CNTN5: variants seen among roughly 807,000 people sequenced by gnomAD.
CNTN5 encodes the protein contactin 5.
CNTN5 carries 77 observed loss-of-function variants against 129.1 expected under a neutral mutation model. The ratio of observed to expected loss-of-function variants is 0.60; its 90% CI spans 0.50 to 0.72. The LOEUF (loss-of-function observed/expected upper bound fraction) is 0.72. CNTN5 is among the 30% of genes least tolerant of loss of function. CNTN5 has a pLI of 0.00. For missense variants in CNTN5, 1,478 were observed against 1,328.8 expected (o/e 1.11, Z -1.75); for synonymous variants, 509 against 465.6 (o/e 1.09, Z -1.20).
chr11:99,154,730 C>A (rs1334846313), intron 1 of CNTN5, among the ~76,000 whole-genome samples: 1 of 152,052 alleles, frequency 6.6e-6, no homozygotes, highest in Non-Finnish European at 1.5e-5. Context: ...CAGGAAGCAC[C>A]CAGGTTGGAC....
At chr11:99,241,737 T>G (rs997047201) in intron 1 of CNTN5, among the ~76,000 whole-genome samples, 2 of 152,158 alleles carry the variant, frequency 1.3e-5, no homozygotes, top group Admixed American at 1.3e-4. Flanking sequence ...GCTTATTTGA[T>G]CATCTCCTTG....
intron 18 of CNTN5, among the ~76,000 whole-genome samples, chr11:100,288,875 GAA>G (rs1230686798): frequency 6.6e-6 from 1 of 151,524 alleles, no homozygotes; most frequent in Non-Finnish European, 1.5e-5. Flanking sequence ...GACTAATAAA[GAA>G]AAAAAGAGAG....
At chr11:99,275,905 T>C (rs975408385) in intron 1 of CNTN5, among the ~76,000 whole-genome samples, 5 of 151,530 alleles carry the variant, frequency 3.3e-5, no homozygotes, top group Non-Finnish European at 5.9e-5. Context: ...CAAAACCACA[T>C]TGAAAGAACA....
intron 1 of CNTN5, among the ~76,000 whole-genome samples, chr11:99,161,439 A>G (rs1022320745): frequency 2.0e-4 from 31 of 152,010 alleles, no homozygotes; most frequent in African/African-American, 7.2e-4. Context: ...CTGGCCAAGG[A>G]GATAAAAGCA....
At chr11:100,339,674 C>A (rs1952118200) in intron 21 of CNTN5, among the ~76,000 whole-genome samples, 1 of 152,286 alleles carries the variant, frequency 6.6e-6, no homozygotes, top group Non-Finnish European at 1.5e-5. Context: ...CCTAGAATTT[C>A]TCTGCCTCCT....
chr11:100,238,571 G>A (rs1433276578), intron 16 of CNTN5, among the ~76,000 whole-genome samples: 1 of 151,650 alleles, frequency 6.6e-6, no homozygotes. Flanking sequence ...GGAGGAGGAA[G>A]AAAGAGGAGA....
intron 4 of CNTN5, among the ~76,000 whole-genome samples, chr11:99,821,815 G>T (rs1387137182): frequency 1.6e-4 from 25 of 152,088 alleles, no homozygotes; most frequent in Non-Finnish European, 8.8e-5. Flanking sequence ...GCTGATCTGT[G>T]GATGATACTT....
At chr11:99,531,002 A>T (rs188808075) in intron 2 of CNTN5, among the ~76,000 whole-genome samples, 36 of 152,356 alleles carry the variant, frequency 2.4e-4, no homozygotes, top group Non-Finnish European at 4.4e-4. Flanking sequence ...TGGGGAAGCA[A>T]CTTTGAAACT....
At chr11:99,740,691 C>G (rs1183692239) in intron 3 of CNTN5, among the ~76,000 whole-genome samples, 1 of 152,154 alleles carries the variant, frequency 6.6e-6, no homozygotes, top group Non-Finnish European at 1.5e-5. Flanking sequence ...TCAACCTGCA[C>G]CATCAGAGGT....
At chr11:99,410,817 T>G (rs180910069) in intron 2 of CNTN5, among the ~76,000 whole-genome samples, 2 of 152,330 alleles carry the variant, frequency 1.3e-5, no homozygotes, top group Admixed American at 6.5e-5. Context: ...TAGCTGTTGC[T>G]CACTCTATTC....
chr11:99,095,361 A>G (rs1866427984), intron 1 of CNTN5, among the ~76,000 whole-genome samples: 1 of 151,934 alleles, frequency 6.6e-6, no homozygotes, highest in African/African-American at 2.4e-5. Context: ...GAGATTATGT[A>G]CTCTGTTATT....
At chr11:99,214,672 C>T (rs897117839) in intron 1 of CNTN5, among the ~76,000 whole-genome samples, 2 of 151,984 alleles carry the variant, frequency 1.3e-5, no homozygotes, top group Non-Finnish European at 1.5e-5. Context: ...CTTAACCAAT[C>T]TGGTGAAAAC....
intron 1 of CNTN5, among the ~76,000 whole-genome samples, chr11:99,232,435 T>G (rs1009299657): frequency 7.2e-5 from 11 of 152,230 alleles, no homozygotes; most frequent in Non-Finnish European, 1.6e-4. Context: ...AATTCATTCA[T>G]GATTTGCCTC....
At chr11:100,306,251 G>A (rs1204901591) in intron 20 of CNTN5, among the ~76,000 whole-genome samples, 4 of 151,560 alleles carry the variant, frequency 2.6e-5, no homozygotes, top group Non-Finnish European at 4.4e-5. Flanking sequence ...TGAGAGGCAG[G>A]TTCCTGAACA....
At chr11:99,214,532 G>A (rs984607305) in intron 1 of CNTN5, among the ~76,000 whole-genome samples, 1 of 151,454 alleles carries the variant, frequency 6.6e-6, no homozygotes, top group Admixed American at 6.6e-5. Flanking sequence ...TAAATTTATT[G>A]TTTAGGACCT....
chr11:99,710,758 C>T (rs1163378878), intron 3 of CNTN5, among the ~76,000 whole-genome samples: 1 of 151,556 alleles, frequency 6.6e-6, no homozygotes, highest in Non-Finnish European at 1.5e-5. Context: ...ATATTCTGCA[C>T]ATTTGAAAGG....
chr11:100,233,847 A>G (rs112005600), intron 16 of CNTN5, among the ~76,000 whole-genome samples: 8,846 of 152,242 alleles, frequency 0.058, 871 homozygotes, highest in African/African-American at 0.2. Context: ...AAAAGAAACT[A>G]TCATCAGAGT....
intron 1 of CNTN5, among the ~76,000 whole-genome samples, chr11:99,042,294 A>G (rs865839635): frequency 1.3e-5 from 2 of 151,208 alleles, no homozygotes; most frequent in Non-Finnish European, 2.9e-5. Context: ...GGTGCAGCAA[A>G]CCATCATGGC....
chr11:99,976,355 C>G (rs932437600), intron 8 of CNTN5, among the ~76,000 whole-genome samples: 2 of 152,196 alleles, frequency 1.3e-5, no homozygotes, highest in Non-Finnish European at 2.9e-5. Flanking sequence ...TGGGCCTCAT[C>G]TCAAAGCTCC....
Sources: gnomAD v4.1 joint callset for allele counts (sites outside exome capture counted in the v4.1 genomes callset) on GRCh38, gnomAD v4.1.1 for gene constraint, MANE v1.5 for transcripts, NCBI Gene and HGNC (gene_info 2026-07-23, HGNC 2026-07-21) for gene names.